The following GALNT11 variants were observed in gnomAD, a reference collection of about 807,000 sequenced individuals.
GALNT11 encodes the protein polypeptide N-acetylgalactosaminyltransferase 11, also known as UDP-GalNAc:polypeptide N-acetylgalactosaminyltransferase 11.
GALNT11 carries 47 observed loss-of-function variants against 72.7 expected under a neutral mutation model. The ratio of observed to expected loss-of-function variants is 0.65; its 90% CI spans 0.51 to 0.82. The LOEUF (loss-of-function observed/expected upper bound fraction) is 0.82. Ranked by LOEUF, GALNT11 falls within the 40% of genes least tolerant of loss-of-function variation. GALNT11 has a pLI of 0.00. For synonymous variants in GALNT11, 270 were observed against 286.6 expected, an observed-to-expected ratio of 0.94 and a Z score of 0.58; for missense variants, 677 against 778.4, an observed-to-expected ratio of 0.87 and a Z score of 1.55.
chr7:152,066,536 T>G (rs1186089408), intron 1 of GALNT11, among the ~76,000 whole-genome samples: 1 of 152,224 alleles, frequency 6.6e-6, no homozygotes. Flanking sequence ...TCACTCACGC[T>G]GGGAGCTGTA....
In GALNT11 at chr7:152,110,973, C is replaced by G. The variant is rs140737311; in HGVS notation, c.1080+328C>G. 3.0e-4 allele frequency among the ~76,000 whole-genome samples: 45 copies of G among 151,540 alleles called. No individual in the cohort carries two copies. In the East Asian group the frequency reaches 7.7e-3, roughly 26 times the overall value. On this transcript the variant is annotated intron_variant, in intron 7 of 11. Coordinates refer to ENST00000430044, the MANE Select transcript of GALNT11 (RefSeq NM_022087.4). Reference sequence around the variant, plus strand: ...TTGGGCTCAAGTGATCCTCCTGCCTCGGCCTCCCAGAGTGCTCCATGACTA... The same window carrying G: ...TTGGGCTCAAGTGATCCTCCTGCCTGGGCCTCCCAGAGTGCTCCATGACTA...
intron 1 of GALNT11, among the ~76,000 whole-genome samples, chr7:152,056,449 G>A (rs1198792038): frequency 1.3e-5 from 2 of 152,200 alleles, no homozygotes; most frequent in African/African-American, 4.8e-5. Flanking sequence ...AACCACTGGA[G>A]TAGAGTATAG....
At chr7:152,093,118 A>G (rs1015604912) in intron 1 of GALNT11, among the ~76,000 whole-genome samples, 2 of 151,992 alleles carry the variant, frequency 1.3e-5, no homozygotes, top group African/African-American at 2.4e-5. Flanking sequence ...AATCCCAGCT[A>G]CTTGGGAGGC....
At chr7:152,052,113 A>T (rs1216368142) in intron 1 of GALNT11, among the ~76,000 whole-genome samples, 1 of 152,156 alleles carries the variant, frequency 6.6e-6, no homozygotes, top group Non-Finnish European at 1.5e-5. Flanking sequence ...ATTGTACGGT[A>T]TTTATCCTGT....
At chr7:152,107,915 C>A in intron 5 of GALNT11, 123 bp from the exon 6 acceptor site, 1 of 1,184,792 alleles carries the variant, frequency 8.4e-7, no homozygotes, top group Non-Finnish European at 1.2e-6. Context: ...GTTAGGCCGT[C>A]TGGGGCTGGG....
chr7:152,084,403 A>AC (rs1314198683), intron 1 of GALNT11, among the ~76,000 whole-genome samples: 2 of 149,842 alleles, frequency 1.3e-5, no homozygotes, highest in Non-Finnish European at 2.9e-5. Context: ...AAAAAAAAAA[A>AC]ACTTTTACAT....
chr7:152,076,472 T>C (rs1006579840), intron 1 of GALNT11, among the ~76,000 whole-genome samples: 1 of 152,220 alleles, frequency 6.6e-6, no homozygotes, highest in Non-Finnish European at 1.5e-5. Flanking sequence ...CAGGTCCCGC[T>C]GTGGACAAAT....
chr7:152,038,194 C>A (rs1174566031), intron 1 of GALNT11, among the ~76,000 whole-genome samples: 2 of 152,180 alleles, frequency 1.3e-5, no homozygotes, highest in Non-Finnish European at 2.9e-5. Flanking sequence ...GACACACACA[C>A]AGAAATATAG....
chr7:152,080,502 G>C (rs1252436120), intron 1 of GALNT11, among the ~76,000 whole-genome samples: 1 of 152,114 alleles, frequency 6.6e-6, no homozygotes, highest in African/African-American at 2.4e-5. Context: ...TTTGGTAGTT[G>C]CCAAAAGCAG....
At position 152,103,134 on chromosome 7, in the gene GALNT11, C is replaced by T. The variant is rs929256454; in HGVS notation, c.442C>T (p.Pro148Ser). Reference sequence around the variant, plus strand: ...CAGATGTAAAGAAAAGTTCTACCCACCTGACCTGCCAGCTGCTAGTGTTGT... The same window carrying T: ...CAGATGTAAAGAAAAGTTCTACCCATCTGACCTGCCAGCTGCTAGTGTTGT... ...NAACKEKFYP[P>S]DLPAASVVIC... is the part of the protein sequence containing the mutation. Residue 148 changes from proline to serine, a missense_variant, in exon 4 of 12, where the codon CCT (proline) becomes TCT (serine). By Grantham distance (74) the Pro-to-Ser change is moderately conservative. Coordinates refer to ENST00000430044, the MANE Select transcript of GALNT11 (RefSeq NM_022087.4). The T allele has an allele frequency of 1.9e-6, 3 of 1,609,506 alleles. No homozygotes were observed.
chr7:152,085,295 T>C (rs2085573065), intron 1 of GALNT11, among the ~76,000 whole-genome samples: 1 of 152,222 alleles, frequency 6.6e-6, no homozygotes. Context: ...CTTGTCTCAC[T>C]TTAATAAATT....
chr7:152,120,900 C>G lies in GALNT11; in HGVS notation c.1627C>G (p.Arg543Gly), dbSNP rs757692047. Residue 543 changes from arginine to glycine, a missense_variant, in exon 11 of 12, where the codon CGC (arginine) becomes GGC (glycine). Arg to Gly is a moderately radical substitution (Grantham distance 125). Transcript: ENST00000430044. ...CCTTTGTCTAGATATGTCAGAGACTCGCTCATCAGACCCGCCACGGCTCAT... is the reference window on the plus strand; with the variant it reads ...CCTTTGTCTAGATATGTCAGAGACTGGCTCATCAGACCCGCCACGGCTCAT... ...SLLCLDMSET[R>G]SSDPPRLMKC... 8.1e-6 allele frequency: 13 copies of G among 1,613,520 alleles called. No individual in the cohort carries two copies. The highest frequency in any genetic ancestry group is 1.0e-5 in the Non-Finnish European group (12 of 1,179,576).
chr7:152,100,669 C>G (rs2129046912), intron 2 of GALNT11, 129 bp from the exon 3 acceptor site: 1 of 1,184,990 alleles, frequency 8.4e-7, no homozygotes, highest in Non-Finnish European at 1.2e-6. Context: ...TAGAGACAAC[C>G]TAAGTTTGAG....
At chr7:152,036,256 C>G (rs983974757) in intron 1 of GALNT11, among the ~76,000 whole-genome samples, 4 of 152,118 alleles carry the variant, frequency 2.6e-5, no homozygotes, top group African/African-American at 7.2e-5. Flanking sequence ...TTCTCAGCCT[C>G]TGGTAACCAT....
chr7:152,034,763 A>G (rs1381287524), intron 1 of GALNT11, among the ~76,000 whole-genome samples: 1 of 152,202 alleles, frequency 6.6e-6, no homozygotes, highest in Non-Finnish European at 1.5e-5. Flanking sequence ...TCACTGACGC[A>G]GCAGCAGAAA....
At position 152,103,290 on chromosome 7, in the gene GALNT11, T is replaced by C; in HGVS notation, c.586+12T>C. ...TGATAGTGACTTTGGTAAGGAATGC[T>C]GCACCTGGTAACATTGGATCCAGGC... On this transcript the variant is annotated intron_variant, in intron 4 of 11. Transcript: ENST00000430044. 1 of 1,609,990 alleles carries C rather than the reference T, an allele frequency of 6.2e-7. No homozygotes were observed. Among genetic ancestry groups the C allele is most frequent in the South Asian group, 1.1e-5 (1 of 90,892 alleles).
At chr7:152,118,940 G>A (rs2089159060) in intron 10 of GALNT11, 158 bp downstream of exon 10, 1 of 535,806 alleles carries the variant, frequency 1.9e-6, no homozygotes, top group African/African-American at 2.0e-5. Flanking sequence ...CTAAGCTTAT[G>A]GGGGTTATCT....
chr7:152,039,042 A>C (rs1477890212), intron 1 of GALNT11, among the ~76,000 whole-genome samples: 1 of 152,184 alleles, frequency 6.6e-6, no homozygotes, highest in Non-Finnish European at 1.5e-5. Flanking sequence ...AGGTGCCACT[A>C]TACTGCCATG....
chr7:152,087,856 G>T (rs779747925), intron 1 of GALNT11, among the ~76,000 whole-genome samples: 4 of 152,216 alleles, frequency 2.6e-5, no homozygotes, highest in Non-Finnish European at 5.9e-5. Flanking sequence ...TATCCAATAA[G>T]ATGGACAATG....
Sources: allele counts gnomAD v4.1 joint callset (sites outside exome capture counted in the v4.1 genomes callset), GRCh38; gene constraint gnomAD v4.1.1; transcripts MANE v1.5; gene names NCBI Gene and HGNC (gene_info 2026-07-23, HGNC 2026-07-21).